HIBCH: variants seen among roughly 807,000 people sequenced by gnomAD.
The protein encoded by HIBCH is 3-hydroxyisobutyryl-CoA hydrolase, mitochondrial.
In HIBCH, 50 loss-of-function variants were observed where a neutral mutation model predicts 58.2. The observed-to-expected ratio is 0.86, with a 90% CI of 0.68 to 1.09. HIBCH has a LOEUF of 1.09. HIBCH is among the 50% of genes least tolerant of loss of function. The pLI, the probability that HIBCH is intolerant of heterozygous loss-of-function variation, is 0.00. For missense variants in HIBCH, 450 were observed against 449.7 expected (o/e 1.00, Z -0.01); for synonymous variants, 151 against 146.9 (o/e 1.03, Z -0.20).
rs1351633068 is a variant in HIBCH, at chr2:190,193,816, ACTT to A, written c.*18-3822_*18-3820del. Among the ~76,000 whole-genome samples the A allele has an allele frequency of 2.0e-5, 3 of 151,732 alleles. No homozygotes were observed. In the East Asian group the frequency reaches 5.8e-4, roughly 29 times the overall value. ...GCTTCACTGATTTCTGTTCTTACCT[ACTT>A]CTGTCTACTTATTTTGGGTTTAATT... On this transcript the variant is annotated intron_variant, in intron 1 of 1. Transcript: ENST00000399855.
In HIBCH at chr2:190,236,274, G is replaced by A. The variant is rs537246613; in HGVS notation, c.891+8613C>T. ...CAGGGTTAAATGAAACTAAGCTGAAGGTAAAATTTAATTCACAAGTATTTT... is the reference window on the plus strand; with the variant it reads ...CAGGGTTAAATGAAACTAAGCTGAAAGTAAAATTTAATTCACAAGTATTTT... On this transcript the variant is annotated intron_variant, in intron 11 of 13. Coordinates refer to ENST00000359678, the MANE Select transcript of HIBCH (RefSeq NM_014362.4). The surrounding 1 kb of genome is among the most constrained non-coding windows in gnomAD (Gnocchi z 4.1). Among the ~76,000 whole-genome samples, 14 of 152,202 alleles carry A rather than the reference G, an allele frequency of 9.2e-5. No homozygotes were observed. Among genetic ancestry groups the A allele is most frequent in the African/African-American group, 3.1e-4 (13 of 41,548 alleles).
In HIBCH at chr2:190,197,560, T is replaced by C. The variant is rs1396417240; in HGVS notation, c.*17+7540A>G. ...TTTAGTAACCCTAACCTCTGTTGCA[T>C]CAGAGTTGCCACTCTCTGACTCTCC... is the stretch of plus-strand genomic sequence containing the variant. On this transcript the variant is annotated intron_variant, in intron 1 of 1. Coordinates refer to the HIBCH transcript ENST00000399855. The surrounding 1 kb of genome is among the most constrained non-coding windows in gnomAD (Gnocchi z 4.0). 6.6e-6 allele frequency among the ~76,000 whole-genome samples: 1 copy of C among 152,182 alleles called. No individual in the cohort carries two copies. Among genetic ancestry groups the C allele is most frequent in the Non-Finnish European group, 1.5e-5 (1 of 68,040 alleles).
intron 1 of HIBCH, among the ~76,000 whole-genome samples, chr2:190,196,422 GA>G (rs1689978726): frequency 6.6e-6 from 1 of 151,206 alleles, no homozygotes; most frequent in Non-Finnish European, 1.5e-5. Flanking sequence ...ATTTCTCTGA[GA>G]TTCTTTTTTT....
At chr2:190,213,479 G>C (rs1575696154) in intron 11 of HIBCH, 2 of 212,390 alleles carry the variant, frequency 9.4e-6, no homozygotes, top group East Asian at 2.6e-4. Context: ...GCATAGGTCA[G>C]CAAACTACAG....
intron 5 of HIBCH, among the ~76,000 whole-genome samples, 166 bp from the exon 6 acceptor site, chr2:190,287,804 G>C (rs2105982126): frequency 6.6e-6 from 1 of 152,196 alleles, no homozygotes; most frequent in East Asian, 1.9e-4. Context: ...ATTTTTAAAT[G>C]TCAATCCAAC....
chr2:190,287,809 T>G (rs1687868868), intron 5 of HIBCH, among the ~76,000 whole-genome samples, 171 bp from the exon 6 acceptor site: 1 of 152,190 alleles, frequency 6.6e-6, no homozygotes, highest in Non-Finnish European at 1.5e-5. Context: ...TAAATGTCAA[T>G]CCAACACAAT....
At chr2:190,275,933 C>G (rs892932287) in intron 6 of HIBCH, among the ~76,000 whole-genome samples, 4 of 152,164 alleles carry the variant, frequency 2.6e-5, no homozygotes, top group African/African-American at 9.7e-5. Context: ...ACCATTGCAT[C>G]CAGATCTGCT....
rs1450399102 is a variant in HIBCH at position 190,207,698 on chromosome 2, TG to T, written c.1045+1181del. Among the ~76,000 whole-genome samples the T allele has an allele frequency of 6.6e-6, 1 of 152,050 alleles. No individual in the cohort carries two copies. Among genetic ancestry groups the T allele is most frequent in the Non-Finnish European group, 1.5e-5 (1 of 67,996 alleles). ...GAGTTCAAGACCAGCCTGGCCAACA[TG>T]GTGAAACCCCGTTTCTACTAAAAAT... is the stretch of plus-strand genomic sequence containing the variant. On this transcript the variant is annotated intron_variant, in intron 13 of 13. Transcript: ENST00000359678. This position sits in a 1 kb window ranked among gnomAD's most constrained non-coding sequence, Gnocchi z 4.5.
chr2:190,240,559 G>A (rs1015735184), intron 11 of HIBCH, among the ~76,000 whole-genome samples: 2 of 151,962 alleles, frequency 1.3e-5, no homozygotes, highest in African/African-American at 4.8e-5. Context: ...TGCTTCTCTA[G>A]TTCTTTTAAC....
At chr2:190,293,429 C>T (rs896353068) in intron 4 of HIBCH, among the ~76,000 whole-genome samples, 1 of 150,472 alleles carries the variant, frequency 6.6e-6, no homozygotes, top group Admixed American at 6.7e-5. Flanking sequence ...CTCCAGCCTG[C>T]GCAACAAGAG....
rs1690431320 is a variant in HIBCH, at chr2:190,207,941, ATAAT to A, written c.1045+935_1045+938del. On this transcript the variant is annotated intron_variant, in intron 13 of 13. Coordinates refer to ENST00000359678, the MANE Select transcript of HIBCH (RefSeq NM_014362.4). This position sits in a 1 kb window ranked among gnomAD's most constrained non-coding sequence, Gnocchi z 4.5. ...TATCCAGAGTCTGCACTATAGTAAA[ATAAT>A]TAATAAAAACAGGAACATTAGATAT... Among the ~76,000 whole-genome samples, 2 of 152,178 alleles carry A rather than the reference ATAAT, an allele frequency of 1.3e-5. No individual in the cohort carries two copies. Among genetic ancestry groups the A allele is most frequent in the South Asian group, 2.1e-4 (1 of 4,832 alleles).
rs531983770 is a variant in HIBCH at position 190,310,910 on chromosome 2, A to C, written c.36-114T>G. 5.2e-5 allele frequency: 36 copies of C among 691,346 alleles called. No individual in the cohort carries two copies. In the Admixed American group the frequency reaches 7.6e-4, roughly 15 times the overall value. 42.8% of individuals were successfully genotyped at this position (691,346 alleles called of 1,614,324 possible). On this transcript the variant is annotated intron_variant, in intron 1 of 13. Transcript: ENST00000359678. ...CTTCTAAAAGGTATTACCAGAACAA[A>C]AAGTTTTAAAAGGTTTAGCTCTCAT...
At chr2:190,276,249 A>C (rs945851309) in intron 6 of HIBCH, among the ~76,000 whole-genome samples, 1 of 152,188 alleles carries the variant, frequency 6.6e-6, no homozygotes, top group Non-Finnish European at 1.5e-5. Flanking sequence ...AAAGGCCCAA[A>C]GTTTCATCAG....
In HIBCH at chr2:190,205,066, G is replaced by T; in HGVS notation, c.*51C>A. On this transcript the variant is annotated 3_prime_UTR_variant, in exon 14 of 14. Coordinates refer to ENST00000359678, the MANE Select transcript of HIBCH (RefSeq NM_014362.4). The stretch of plus-strand genomic sequence containing the variant: ...GCAGCAGGCTGGATTTGGCCCACAT[G>T]CTGTAGATTGCCAACCCATGCTACA... The T allele has an allele frequency of 1.0e-6, 1 of 956,746 alleles. No individual in the cohort carries two copies. The highest frequency in any genetic ancestry group is 1.7e-6 in the Non-Finnish European group (1 of 590,926). The allele number at this position is 956,746 out of a possible 1,614,324, so 59.3% of individuals were successfully genotyped here.
chr2:190,300,426 CTTTT>C (rs938353003), intron 2 of HIBCH, among the ~76,000 whole-genome samples: 2 of 143,434 alleles, frequency 1.4e-5, no homozygotes, highest in African/African-American at 5.1e-5. Flanking sequence ...TGATACTGAG[CTTTT>C]TTTTTTTTAA....
chr2:190,198,373 G>A (rs1362818142), intron 1 of HIBCH, among the ~76,000 whole-genome samples: 1 of 152,144 alleles, frequency 6.6e-6, no homozygotes, highest in Non-Finnish European at 1.5e-5. Flanking sequence ...AGGCACAGTG[G>A]CTCACGCCAG....
At chr2:190,224,742 C>A (rs1366493343) in intron 11 of HIBCH, among the ~76,000 whole-genome samples, 1 of 152,172 alleles carries the variant, frequency 6.6e-6, no homozygotes, top group Admixed American at 6.5e-5. Context: ...AGAAAGATAA[C>A]AAGGATATCA....
chr2:190,282,838 A>T (rs1304752839), intron 6 of HIBCH, among the ~76,000 whole-genome samples: 1 of 84,106 alleles, frequency 1.2e-5, no homozygotes, highest in Non-Finnish European at 2.6e-5. Flanking sequence ...TTGTTACGAG[A>T]AGGCCAAAAA....
rs1422981298 is a variant in HIBCH at position 190,190,371 on chromosome 2, A to C, written c.*18-374T>G. On this transcript the variant is annotated intron_variant, in intron 1 of 1. Transcript: ENST00000399855. ...GAGATTCATCCATGTGGTTTGACAT[A>C]CCAATAGTTCATCCTTTTTTAATTG... 3.9e-5 allele frequency among the ~76,000 whole-genome samples: 6 copies of C among 152,190 alleles called. No homozygotes were observed. In the East Asian group the frequency reaches 1.2e-3, roughly 29 times the overall value.
Sources: allele counts gnomAD v4.1 joint callset (sites outside exome capture counted in the v4.1 genomes callset), GRCh38; gene constraint gnomAD v4.1.1; non-coding constraint Gnocchi (gnomAD v3.1); transcripts MANE v1.5; gene names NCBI Gene and HGNC (gene_info 2026-07-23, HGNC 2026-07-21).